The following NXPH1 variants were observed in gnomAD, a reference collection of about 807,000 sequenced individuals.
NXPH1 encodes the protein neurexophilin 1.
NXPH1 carries 5 observed loss-of-function variants against 23.7 expected under a neutral mutation model. That is an observed-to-expected ratio of 0.21 (90% CI 0.11 to 0.44). The LOEUF (loss-of-function observed/expected upper bound fraction) is 0.44, where lower values mean the gene tolerates loss of function less well. NXPH1 is among the 20% of genes least tolerant of loss of function. The pLI is 0.99. For missense variants in NXPH1, 324 were observed against 321.6 expected (o/e 1.01, Z -0.06); for synonymous variants, 144 against 122.2 (o/e 1.18, Z -1.18).
At chr7:8,501,738 A>G (rs572734466) in intron 2 of NXPH1, among the ~76,000 whole-genome samples, 3 of 152,188 alleles carry the variant, frequency 2.0e-5, no homozygotes, top group Admixed American at 1.3e-4. Flanking sequence ...CGCTTTATAA[A>G]TGAAGAAAAT....
At chr7:8,509,186 T>C (rs1817575598) in intron 2 of NXPH1, among the ~76,000 whole-genome samples, 2 of 152,140 alleles carry the variant, frequency 1.3e-5, no homozygotes, top group East Asian at 1.9e-4. Flanking sequence ...GCAAAACTTA[T>C]ATATCTTATT....
At chr7:8,655,181 T>C (rs1474111136) in intron 2 of NXPH1, among the ~76,000 whole-genome samples, 1 of 152,036 alleles carries the variant, frequency 6.6e-6, no homozygotes, top group Non-Finnish European at 1.5e-5. Flanking sequence ...AGCCAGGAAC[T>C]CGAGACCAGC....
intron 2 of NXPH1, among the ~76,000 whole-genome samples, chr7:8,539,041 A>G (rs1347622174): frequency 6.6e-6 from 1 of 151,924 alleles, no homozygotes; most frequent in African/African-American, 2.4e-5. Context: ...AAATGTCATC[A>G]TTGGACATCA....
chr7:8,644,291 T>C (rs146102814), intron 2 of NXPH1, among the ~76,000 whole-genome samples: 4 of 152,340 alleles, frequency 2.6e-5, no homozygotes, highest in Non-Finnish European at 5.9e-5. Flanking sequence ...AGTTGCTGTT[T>C]GACTGATGGT....
At chr7:8,477,598 C>G (rs114924384) in intron 2 of NXPH1, among the ~76,000 whole-genome samples, 1 of 151,902 alleles carries the variant, frequency 6.6e-6, no homozygotes, top group Non-Finnish European at 1.5e-5. Context: ...AGTCTTAATG[C>G]GCCTCTTAAC....
chr7:8,701,762 C>G (rs890556548), intron 2 of NXPH1, among the ~76,000 whole-genome samples: 15 of 152,024 alleles, frequency 9.9e-5, no homozygotes, highest in African/African-American at 3.4e-4. Context: ...TATTTGTTGG[C>G]TGAATAAGTG....
At chr7:8,558,919 A>G (rs1818400599) in intron 2 of NXPH1, among the ~76,000 whole-genome samples, 1 of 116,186 alleles carries the variant, frequency 8.6e-6, no homozygotes. Flanking sequence ...ACTGCAGGAA[A>G]AAATTAAAAA....
At chr7:8,636,263 G>A (rs1445664319) in intron 2 of NXPH1, among the ~76,000 whole-genome samples, 2 of 152,116 alleles carry the variant, frequency 1.3e-5, no homozygotes, top group African/African-American at 4.8e-5. Flanking sequence ...TTGTCTCTGT[G>A]TTCTTTTTAA....
At chr7:8,594,332 T>C (rs1178595318) in intron 2 of NXPH1, among the ~76,000 whole-genome samples, 1 of 152,052 alleles carries the variant, frequency 6.6e-6, no homozygotes, top group Non-Finnish European at 1.5e-5. Flanking sequence ...TTCACATATT[T>C]CAGACATGCA....
intron 2 of NXPH1, among the ~76,000 whole-genome samples, chr7:8,607,089 T>C (rs982533603): frequency 4.6e-5 from 7 of 152,144 alleles, no homozygotes; most frequent in African/African-American, 1.4e-4. Flanking sequence ...TGGACTCATA[T>C]ATATCCTGGG....
chr7:8,655,222 C>A (rs748158377), intron 2 of NXPH1, among the ~76,000 whole-genome samples: 7 of 151,822 alleles, frequency 4.6e-5, no homozygotes, highest in Non-Finnish European at 8.8e-5. Context: ...TTTTCTCTAC[C>A]AAAAATACAA....
intron 2 of NXPH1, among the ~76,000 whole-genome samples, chr7:8,520,824 A>T (rs16873715): frequency 0.25 from 37,336 of 151,848 alleles, 4,653 homozygotes; most frequent in East Asian, 0.3. Flanking sequence ...TTGTCACTTC[A>T]TTTTCTCTTT....
At chr7:8,518,542 G>T (rs925889546) in intron 2 of NXPH1, among the ~76,000 whole-genome samples, 2 of 152,064 alleles carry the variant, frequency 1.3e-5, no homozygotes, top group Non-Finnish European at 2.9e-5. Context: ...TGCAGGCTGG[G>T]TTGGAGTGAT....
chr7:8,715,499 C>T (rs555672632), intron 2 of NXPH1, among the ~76,000 whole-genome samples: 1 of 152,242 alleles, frequency 6.6e-6, no homozygotes, highest in East Asian at 1.9e-4. Flanking sequence ...TTCTATTCGG[C>T]CATCTTGCTC....
intron 2 of NXPH1, among the ~76,000 whole-genome samples, chr7:8,566,801 C>T (rs774750076): frequency 1.1e-4 from 16 of 151,726 alleles, no homozygotes; most frequent in Non-Finnish European, 2.4e-4. Context: ...TGGGACTTAG[C>T]CTCCCTCATC....
chr7:8,680,242 G>C (rs1401030380), intron 2 of NXPH1, among the ~76,000 whole-genome samples: 1 of 152,230 alleles, frequency 6.6e-6, no homozygotes, highest in Non-Finnish European at 1.5e-5. Context: ...GGATATGAAG[G>C]TGCATTAAAT....
chr7:8,469,126 A>G (rs955547300), intron 2 of NXPH1, among the ~76,000 whole-genome samples: 3 of 151,994 alleles, frequency 2.0e-5, no homozygotes, highest in Admixed American at 6.6e-5. Context: ...AAGGATGTCA[A>G]TTTTCTTAGA....
intron 2 of NXPH1, among the ~76,000 whole-genome samples, chr7:8,555,379 C>T (rs534418127): frequency 1.3e-5 from 2 of 151,772 alleles, no homozygotes; most frequent in South Asian, 4.1e-4. Flanking sequence ...TGACAGAAGA[C>T]ACCAGGCAGA....
intron 2 of NXPH1, among the ~76,000 whole-genome samples, chr7:8,721,459 C>G (rs554699609): frequency 3.9e-5 from 6 of 152,174 alleles, no homozygotes; most frequent in Middle Eastern, 3.4e-3. Context: ...ATTTAAGAAC[C>G]AAGATTACTT....
Sources: gnomAD v4.1 joint callset for allele counts (sites outside exome capture counted in the v4.1 genomes callset) on GRCh38, gnomAD v4.1.1 for gene constraint, MANE v1.5 for transcripts, NCBI Gene and HGNC (gene_info 2026-07-23, HGNC 2026-07-21) for gene names.